The following SLC4A8 variants were observed in gnomAD, a reference collection of about 807,000 sequenced individuals.
SLC4A8 encodes the protein electroneutral sodium bicarbonate exchanger 1.
Under a neutral mutation model 125.0 loss-of-function variants are expected in SLC4A8, and 40 were observed. The ratio of observed to expected loss-of-function variants is 0.32; its 90% CI spans 0.25 to 0.42. SLC4A8 has a LOEUF of 0.42. SLC4A8 is among the 10% of genes least tolerant of loss of function. The pLI, the probability that SLC4A8 is intolerant of heterozygous loss-of-function variation, is 1.00. For missense variants in SLC4A8, 863 were observed against 1,355.1 expected (o/e 0.64, Z 5.70); for synonymous variants, 456 against 476.0 (o/e 0.96, Z 0.55).
intron 1 of SLC4A8, among the ~76,000 whole-genome samples, chr12:51,430,434 A>C (rs1370413936): frequency 6.6e-6 from 1 of 152,102 alleles, no homozygotes; most frequent in African/African-American, 2.4e-5. Flanking sequence ...TATTTAACAA[A>C]AGTATCAACT....
Position 51,509,313 on chromosome 12 carries a change from G to C in SLC4A8, c.*1875G>C, listed in dbSNP as rs1282356976. 1 of 152,162 alleles carries C rather than the reference G, an allele frequency of 6.6e-6. No homozygotes were observed. The highest frequency in any genetic ancestry group is 1.5e-5 in the Non-Finnish European group (1 of 68,028). The allele number at this position is 152,162 out of a possible 1,614,324, so 9.4% of individuals were successfully genotyped here. ...AGGTCATGCTTCTTGGAACCTATATGGGCATTAAAATCTTCATGAGCCAAA... is the reference window on the plus strand; with the variant it reads ...AGGTCATGCTTCTTGGAACCTATATCGGCATTAAAATCTTCATGAGCCAAA... On this transcript the variant is annotated 3_prime_UTR_variant, in exon 25 of 25. Coordinates refer to ENST00000453097, the MANE Select transcript of SLC4A8 (RefSeq NM_001039960.3).
At chr12:51,491,086 A>C (rs1951304245) in intron 19 of SLC4A8, among the ~76,000 whole-genome samples, 2 of 151,992 alleles carry the variant, frequency 1.3e-5, no homozygotes, top group Admixed American at 1.3e-4. Context: ...TTCTGACTTG[A>C]CCATCTGGTG....
At chr12:51,494,882 G>C in intron 20 of SLC4A8, 63 bp from the exon 21 acceptor site, 1 of 1,384,190 alleles carries the variant, frequency 7.2e-7, no homozygotes, top group Non-Finnish European at 1.0e-6. Context: ...ATATGAATTG[G>C]TCTAACAAAG....
chr12:51,416,501 G>T (rs1204043685), intron 1 of SLC4A8, among the ~76,000 whole-genome samples: 1 of 151,982 alleles, frequency 6.6e-6, no homozygotes, highest in Admixed American at 6.6e-5. Context: ...AAATTATCTG[G>T]GTGTGGTGGC....
chr12:51,419,253 A>G (rs1450913178), intron 1 of SLC4A8, among the ~76,000 whole-genome samples: 1 of 152,236 alleles, frequency 6.6e-6, no homozygotes, highest in Non-Finnish European at 1.5e-5. Context: ...TCCATTGAAG[A>G]TAAATGAGAT....
At chr12:51,446,067 T>C (rs118146275) in intron 2 of SLC4A8, among the ~76,000 whole-genome samples, 1,879 of 152,304 alleles carry the variant, frequency 0.012, 24 homozygotes, top group Non-Finnish European at 0.021. Context: ...TGGTATTCAA[T>C]TTAGTATTTT....
At chr12:51,476,922 T>G (rs772361597) in intron 16 of SLC4A8, among the ~76,000 whole-genome samples, 1 of 150,528 alleles carries the variant, frequency 6.6e-6, no homozygotes, top group Non-Finnish European at 1.5e-5. Context: ...TTTTTTTTTT[T>G]TCTGAGATGG....
rs749973198 is a variant in SLC4A8, at chr12:51,424,979, G to C, written c.-9G>C. 3.7e-5 allele frequency: 57 copies of C among 1,552,650 alleles called. No homozygotes were observed. The highest frequency in any genetic ancestry group is 5.0e-5 in the Non-Finnish European group (57 of 1,148,364). On this transcript the variant is annotated 5_prime_UTR_variant, in exon 1 of 25. Transcript: ENST00000453097. ...GGAGCCCGTGGGGGAGACCTAGTTCGGCTCCGCCATGCCGGCCGCCGGGAG... is the reference window on the plus strand; with the variant it reads ...GGAGCCCGTGGGGGAGACCTAGTTCCGCTCCGCCATGCCGGCCGCCGGGAG...
intron 22 of SLC4A8, among the ~76,000 whole-genome samples, chr12:51,498,469 G>T (rs1044989186): frequency 6.6e-6 from 1 of 151,746 alleles, no homozygotes; most frequent in Admixed American, 6.6e-5. Context: ...AAATAAAAAA[G>T]AAATGAAAAT....
intron 1 of SLC4A8, among the ~76,000 whole-genome samples, chr12:51,411,301 C>T (rs777718936): frequency 1.3e-4 from 20 of 151,882 alleles, no homozygotes; most frequent in Non-Finnish European, 2.9e-4. Context: ...AAAAGTCTTT[C>T]TTTAGGCTGG....
intron 18 of SLC4A8, among the ~76,000 whole-genome samples, chr12:51,489,240 T>TGG (rs1951239045): frequency 6.6e-6 from 1 of 152,206 alleles, no homozygotes; most frequent in Non-Finnish European, 1.5e-5. Context: ...TACTATAGTT[T>TGG]CTAGGCCGAA....
chr12:51,454,488 A>AG (rs1950073815), intron 5 of SLC4A8, among the ~76,000 whole-genome samples: 1 of 135,778 alleles, frequency 7.4e-6, no homozygotes, highest in African/African-American at 2.8e-5. Context: ...TTTCTCAAAG[A>AG]GGGGGATGTG....
At chr12:51,500,359 TTC>T (rs1937800109) in intron 22 of SLC4A8, among the ~76,000 whole-genome samples, 1 of 152,194 alleles carries the variant, frequency 6.6e-6, no homozygotes, top group African/African-American at 2.4e-5. Context: ...ATAGCCAACA[TTC>T]ATGTTCATTT....
intron 11 of SLC4A8, among the ~76,000 whole-genome samples, chr12:51,464,465 A>G (rs1487376936): frequency 2.6e-5 from 4 of 152,194 alleles, no homozygotes; most frequent in Non-Finnish European, 5.9e-5. Context: ...ACAGATGTCC[A>G]AGGAGGAGGT....
chr12:51,484,412 T>A (rs988202339), intron 16 of SLC4A8, among the ~76,000 whole-genome samples: 3 of 152,102 alleles, frequency 2.0e-5, no homozygotes, highest in African/African-American at 7.2e-5. Context: ...AGTAAACAGT[T>A]GGATGTCCCC....
intron 8 of SLC4A8, among the ~76,000 whole-genome samples, chr12:51,460,980 A>G (rs559179011): frequency 2.2e-4 from 34 of 152,278 alleles, no homozygotes; most frequent in African/African-American, 7.9e-4. Flanking sequence ...ATGTAATCAC[A>G]TTATTGAATG....
chr12:51,446,296 A>C (rs1283620798), intron 2 of SLC4A8, among the ~76,000 whole-genome samples: 1 of 152,236 alleles, frequency 6.6e-6, no homozygotes, highest in Non-Finnish European at 1.5e-5. Flanking sequence ...ATTCCACCAG[A>C]TACTAAACAT....
At chr12:51,491,545 CTCAGGTTA>C (rs1337461526) in intron 19 of SLC4A8, among the ~76,000 whole-genome samples, 1 of 152,106 alleles carries the variant, frequency 6.6e-6, no homozygotes, top group Non-Finnish European at 1.5e-5. Context: ...CATTGGAGGC[CTCAGGTTA>C]TCTGACAAGA....
intron 1 of SLC4A8, among the ~76,000 whole-genome samples, chr12:51,427,610 TGGG>T (rs987159839): frequency 1.3e-5 from 2 of 151,994 alleles, no homozygotes; most frequent in African/African-American, 4.8e-5. Flanking sequence ...GGGGATGACT[TGGG>T]GGAGAGACAG....
Sources: allele counts gnomAD v4.1 joint callset (sites outside exome capture counted in the v4.1 genomes callset), GRCh38; gene constraint gnomAD v4.1.1; transcripts MANE v1.5; gene names NCBI Gene and HGNC (gene_info 2026-07-23, HGNC 2026-07-21).